The following AMD1 variants were observed in gnomAD, a reference collection of about 807,000 sequenced individuals.
AMD1 encodes the protein adenosylmethionine decarboxylase 1, also known as S-adenosylmethionine decarboxylase proenzyme.
In AMD1, 11 loss-of-function variants were observed where a neutral mutation model predicts 40.2. That is an observed-to-expected ratio of 0.27 (90% CI 0.17 to 0.45). The LOEUF is 0.45. Among genes scored for constraint, AMD1 ranks in the 20% least tolerant of loss-of-function variants. The pLI, the probability that AMD1 is intolerant of heterozygous loss-of-function variation, is 1.00. For synonymous variants in AMD1, 121 were observed against 130.8 expected, an observed-to-expected ratio of 0.93 and a Z score of 0.51; for missense variants, 257 against 410.2, an observed-to-expected ratio of 0.63 and a Z score of 3.23.
chr6:110,845,205 A>G, the AMD1 span, among the ~76,000 whole-genome samples: 2 of 151,880 alleles, frequency 1.3e-5, no homozygotes, highest in South Asian at 2.1e-4. Context: ...CGCCCGGCTA[A>G]TTTTTGTATT....
At chr6:110,888,478 A>G (rs1203901129) in intron 2 of AMD1, 1 of 153,332 alleles carries the variant, frequency 6.5e-6, no homozygotes, top group African/African-American at 2.4e-5. Flanking sequence ...TGCCCGGCTA[A>G]TTTTTGTATT....
chr6:110,862,358 T>C, the AMD1 span, among the ~76,000 whole-genome samples: 2 of 147,836 alleles, frequency 1.4e-5, no homozygotes, highest in African/African-American at 2.5e-5. Flanking sequence ...ATGGATAGAG[T>C]GCTTTCTCTT....
chr6:110,836,193 A>T, the AMD1 span, among the ~76,000 whole-genome samples: 1 of 152,120 alleles, frequency 6.6e-6, no homozygotes, highest in African/African-American at 2.4e-5. Flanking sequence ...CACTTTGAGA[A>T]GTCTTAAGAA....
chr6:110,826,605 T>C, the AMD1 span, among the ~76,000 whole-genome samples: 1 of 152,084 alleles, frequency 6.6e-6, no homozygotes, highest in South Asian at 2.1e-4. Flanking sequence ...CCTTGCTTTA[T>C]GGCAGCATAA....
intron 1 of AMD1, among the ~76,000 whole-genome samples, chr6:110,878,679 CAA>C (rs1562334829): frequency 6.6e-6 from 1 of 152,024 alleles, no homozygotes; most frequent in African/African-American, 2.4e-5. Context: ...CTGTAACAAA[CAA>C]AAGCTTTTTA....
At chr6:110,851,124 C>T in the AMD1 span, among the ~76,000 whole-genome samples, 5 of 151,864 alleles carry the variant, frequency 3.3e-5, no homozygotes, top group African/African-American at 1.2e-4. Context: ...CCACCATGCT[C>T]GGCTAATTTT....
the AMD1 span, chr6:110,858,454 C>A: frequency 9.1e-7 from 1 of 1,099,642 alleles, no homozygotes; most frequent in Non-Finnish European, 1.4e-6. Flanking sequence ...CGGGCTCAGT[C>A]CTCAAGATCA....
chr6:110,874,862 A>C lies in AMD1; in HGVS notation c.-244A>C, dbSNP rs1363188653. On this transcript the variant is annotated 5_prime_UTR_variant, in exon 1 of 9. Coordinates refer to ENST00000368885, the MANE Select transcript of AMD1 (RefSeq NM_001634.6). ...ACGGGAAAGCAGCGGAATACAAGAG[A>C]CTGAACTGTATCTGCCTCTATTTCC... 2.5e-5 allele frequency: 12 copies of C among 488,728 alleles called. No homozygotes were observed. The highest frequency in any genetic ancestry group is 4.4e-5 in the Non-Finnish European group (12 of 272,900). The allele number at this position is 488,728 out of a possible 1,614,324, so 30.3% of individuals were successfully genotyped here.
At chr6:110,877,092 G>A (rs1785153758) in intron 1 of AMD1, among the ~76,000 whole-genome samples, 1 of 152,160 alleles carries the variant, frequency 6.6e-6, no homozygotes, top group South Asian at 2.1e-4. Flanking sequence ...AGCCCAAATT[G>A]TTTTACTGCT....
upstream of AMD1, among the ~76,000 whole-genome samples, chr6:110,873,939 G>T (rs1784968371): frequency 6.6e-6 from 1 of 152,228 alleles, no homozygotes; most frequent in Non-Finnish European, 1.5e-5. Flanking sequence ...AATAAGTTCA[G>T]ATTATATTTA....
chr6:110,820,591 A>G, the AMD1 span, among the ~76,000 whole-genome samples: 3 of 151,426 alleles, frequency 2.0e-5, no homozygotes, highest in Non-Finnish European at 4.4e-5. Context: ...CAAAATGGTT[A>G]GTAAATGATT....
the AMD1 span, among the ~76,000 whole-genome samples, chr6:110,829,604 G>T: frequency 2.6e-5 from 4 of 152,170 alleles, no homozygotes; most frequent in East Asian, 7.8e-4. Context: ...AGGAGGCAGA[G>T]CTTGCAGTGA....
intron 1 of AMD1, 126 bp from the exon 2 acceptor site, chr6:110,887,379 A>G (rs538923494): frequency 3.5e-6 from 2 of 578,320 alleles, no homozygotes; most frequent in Admixed American, 3.5e-5. Flanking sequence ...TTTGAAAGAA[A>G]CTAAAAGTTG....
At chr6:110,881,402 G>A (rs1785403918) in intron 1 of AMD1, among the ~76,000 whole-genome samples, 1 of 152,122 alleles carries the variant, frequency 6.6e-6, no homozygotes, top group African/African-American at 2.4e-5. Flanking sequence ...ATTACTACAA[G>A]TTGAGAACCA....
In AMD1 at chr6:110,892,729, C is replaced by CA. The variant is rs780937704; in HGVS notation, c.616-6_616-5insA. 3.7e-6 allele frequency: 6 copies of CA among 1,611,510 alleles called. No homozygotes were observed. Among genetic ancestry groups the CA allele is most frequent in the African/African-American group, 2.7e-5 (2 of 74,736 alleles). On this transcript the variant is annotated splice_region_variant and splice_polypyrimidine_tract_variant and intron_variant, in intron 6 of 8. Coordinates refer to ENST00000368885, the MANE Select transcript of AMD1 (RefSeq NM_001634.6). ...CTTGTTAAACTCGGTCTTTTTCCCC[C>CA]CCCAGGAGAGTGGAATTCGTGACCT... is the stretch of plus-strand genomic sequence containing the variant.
At chr6:110,879,394 C>G (rs371905738) in intron 1 of AMD1, among the ~76,000 whole-genome samples, 58 of 152,268 alleles carry the variant, frequency 3.8e-4, no homozygotes, top group Middle Eastern at 3.4e-3. Flanking sequence ...AACCATGTAT[C>G]TTTAAGAAGC....
chr6:110,893,411 C>G, intron 8 of AMD1, 65 bp from the exon 9 acceptor site: 1 of 1,583,098 alleles, frequency 6.3e-7, no homozygotes, highest in Non-Finnish European at 8.6e-7. Context: ...TGTCACTTAA[C>G]TGTTTTGGTT....
the AMD1 span, among the ~76,000 whole-genome samples, chr6:110,866,112 ATAATTT>A: frequency 0.037 from 5,579 of 152,266 alleles, 127 homozygotes; most frequent in Middle Eastern, 0.071. Flanking sequence ...CCTTATCTAC[ATAATTT>A]TAATTTTAAG....
At chr6:110,836,438 T>TA in the AMD1 span, among the ~76,000 whole-genome samples, 1 of 151,786 alleles carries the variant, frequency 6.6e-6, no homozygotes, top group Non-Finnish European at 1.5e-5. Flanking sequence ...ATTGTGAAGT[T>TA]AAAAAAAATA....
Sources: gnomAD v4.1 joint callset for allele counts (sites outside exome capture counted in the v4.1 genomes callset) on GRCh38, gnomAD v4.1.1 for gene constraint, MANE v1.5 for transcripts, NCBI Gene and HGNC (gene_info 2026-07-23, HGNC 2026-07-21) for gene names.